ZGRF1: variants seen among roughly 807,000 people sequenced by gnomAD.
The protein encoded by ZGRF1 is zinc finger GRF-type containing 1, also known as 5'-3' DNA helicase ZGRF1.
ZGRF1 carries 196 observed loss-of-function variants against 203.5 expected under a neutral mutation model. The observed-to-expected ratio is 0.96, with a 90% CI of 0.86 to 1.08. The LOEUF (loss-of-function observed/expected upper bound fraction) is 1.08. ZGRF1 is among the 50% of genes least tolerant of loss of function. ZGRF1 has a pLI of 0.00. For synonymous variants in ZGRF1, 809 were observed against 841.3 expected, an observed-to-expected ratio of 0.96 and a Z score of 0.66; for missense variants, 2,326 against 2,416.3, an observed-to-expected ratio of 0.96 and a Z score of 0.78.
intron 20 of ZGRF1, among the ~76,000 whole-genome samples, chr4:112,556,125 A>G: frequency 6.6e-6 from 1 of 152,088 alleles, no homozygotes; most frequent in South Asian, 2.1e-4. Flanking sequence ...TAAATTGCTT[A>G]TAAGAGTGTG....
chr4:112,611,482 A>C (rs1400991502), intron 7 of ZGRF1, among the ~76,000 whole-genome samples: 2 of 152,244 alleles, frequency 1.3e-5, no homozygotes, highest in Admixed American at 1.3e-4. Context: ...CTGTAGAAAG[A>C]CCAGTGCCAT....
In ZGRF1 at chr4:112,618,977, C is replaced by T; in HGVS notation, c.1065G>A (p.Gln355=). 6.2e-7 allele frequency: 1 copy of T among 1,613,672 alleles called. No homozygotes were observed. The highest frequency in any genetic ancestry group is 8.5e-7 in the Non-Finnish European group (1 of 1,179,838). ...TCAAATTAGAATTTACATCATCTTCCTGGGCCTTGGGTTTCCTTTCTGTAT... is the reference window on the plus strand; with the variant it reads ...TCAAATTAGAATTTACATCATCTTCTTGGGCCTTGGGTTTCCTTTCTGTAT... The part of the protein sequence containing the change: ...GNDTERKPKA[Q]EDDVNSNLKD... The change falls in exon 6 of 28, where the codon CAG becomes CAA. Residue 355 remains glutamine, a synonymous_variant. Coordinates refer to ENST00000505019, the MANE Select transcript of ZGRF1 (RefSeq NM_018392.5).
intron 16 of ZGRF1, among the ~76,000 whole-genome samples, chr4:112,571,862 T>C (rs774163649): frequency 2.6e-5 from 4 of 152,210 alleles, no homozygotes; most frequent in African/African-American, 7.2e-5. Context: ...ACTTGCACTA[T>C]TTGATATTTG....
rs570982344 is a variant in ZGRF1, at chr4:112,600,581, C to A, written c.2976+2943G>T. Reference sequence around the variant, plus strand: ...TGGTGGGCACCTGTAATCCCAGCTACTTGGGAGGCTGACGCAGGAGAATCA... The same window carrying A: ...TGGTGGGCACCTGTAATCCCAGCTAATTGGGAGGCTGACGCAGGAGAATCA... On this transcript the variant is annotated intron_variant, in intron 10 of 27. Coordinates refer to ENST00000505019, the MANE Select transcript of ZGRF1 (RefSeq NM_018392.5). Among the ~76,000 whole-genome samples, 112 of 152,024 alleles carry A rather than the reference C, an allele frequency of 7.4e-4. 1 individual carries two copies. Among genetic ancestry groups the A allele is most frequent in the African/African-American group, 2.6e-3 (107 of 41,460 alleles).
At chr4:112,547,463 C>A in intron 23 of ZGRF1, 55 bp from the exon 24 acceptor site, 2 of 1,525,368 alleles carry the variant, frequency 1.3e-6, no homozygotes, top group Non-Finnish European at 1.8e-6. Context: ...GCATTAACAT[C>A]ATTTATTGCA....
Position 112,612,599 on chromosome 4 carries a change from G to A in ZGRF1, c.2603-11C>T. The stretch of plus-strand genomic sequence containing the variant: ...TAAATGGTTTCCTCACTGTAATGGA[G>A]AAAAGAAATAATCATATCATTGTTA... On this transcript the variant is annotated splice_polypyrimidine_tract_variant and intron_variant, in intron 6 of 27. Transcript: ENST00000505019. The A allele has an allele frequency of 6.5e-7, 1 of 1,550,262 alleles. No homozygotes were observed. The highest frequency in any genetic ancestry group is 8.9e-7 in the Non-Finnish European group (1 of 1,126,530).
In ZGRF1 at chr4:112,558,268, T is replaced by A; in HGVS notation, c.5002A>T (p.Ile1668Phe). The change falls in exon 20 of 28, where the codon ATT becomes TTT. Residue 1668 changes from isoleucine (I) to phenylalanine (F), a missense_variant. Physicochemically the swap from Ile to Phe is conservative, Grantham distance 21. Coordinates refer to ENST00000505019, the MANE Select transcript of ZGRF1 (RefSeq NM_018392.5). ...AGKSYLLAVV[I>F]LFFVQLFEKS... ...TCAAACAGCTGTACAAAGAACAAAATCACCACTGCCAGCAAGTAACTCTTT... is the reference window on the plus strand; with the variant it reads ...TCAAACAGCTGTACAAAGAACAAAAACACCACTGCCAGCAAGTAACTCTTT... The A allele has an allele frequency of 6.3e-7, 1 of 1,586,380 alleles. No homozygotes were observed. Among genetic ancestry groups the A allele is most frequent in the Non-Finnish European group, 8.5e-7 (1 of 1,169,832 alleles).
intron 16 of ZGRF1, among the ~76,000 whole-genome samples, chr4:112,564,257 C>T (rs12648924): frequency 0.4 from 60,744 of 152,048 alleles, 12,405 homozygotes; most frequent in South Asian, 0.49. Flanking sequence ...AGCTGACCTT[C>T]CTCCTCTCTT....
chr4:112,636,164 G>A (rs1356405158), intron 1 of ZGRF1, among the ~76,000 whole-genome samples: 2 of 152,184 alleles, frequency 1.3e-5, no homozygotes, highest in East Asian at 1.9e-4. Context: ...CAATTCACCT[G>A]TTGACCGACT....
In ZGRF1 at chr4:112,621,608, G is replaced by A. The variant is rs1478539892; in HGVS notation, c.163-1418C>T. 7.4e-5 allele frequency among the ~76,000 whole-genome samples: 11 copies of A among 148,760 alleles called. No homozygotes were observed. In the South Asian group the frequency reaches 1.7e-3, roughly 23 times the overall value. On this transcript the variant is annotated intron_variant, in intron 4 of 27. Coordinates refer to ENST00000505019, the MANE Select transcript of ZGRF1 (RefSeq NM_018392.5). ...GCAGAGGTTGCGGTGAGGTGAGATC[G>A]CGCTATTGCACTCTAGCCTGGGCAA...
intron 1 of ZGRF1, among the ~76,000 whole-genome samples, chr4:112,636,216 A>G (rs1356234098): frequency 6.6e-6 from 1 of 152,152 alleles, no homozygotes; most frequent in African/African-American, 2.4e-5. Context: ...GTTTTTAAAG[A>G]CCCCAGATGC....
At chr4:112,573,374 T>C (rs1292339846) in intron 16 of ZGRF1, among the ~76,000 whole-genome samples, 1 of 151,880 alleles carries the variant, frequency 6.6e-6, no homozygotes, top group Non-Finnish European at 1.5e-5. Flanking sequence ...GGCATAATAA[T>C]AATACAATGG....
rs191936474 is a variant in ZGRF1, at chr4:112,624,142, G to A, written c.103-266C>T. Among the ~76,000 whole-genome samples the A allele has an allele frequency of 3.7e-4, 52 of 141,070 alleles. No individual in the cohort carries two copies. In the East Asian group the frequency reaches 9.9e-3, roughly 27 times the overall value. The allele number at this position is 141,070 out of a possible 152,430, so 92.5% of individuals were successfully genotyped here. On this transcript the variant is annotated intron_variant, in intron 3 of 27. Transcript: ENST00000505019. ...TGGAAGCTTTGTTCTTTCGCTCTTC[G>A]CAATAAATCTTGCTACTGCTCAAAA...
chr4:112,569,976 T>G lies in ZGRF1; in HGVS notation c.4439-6702A>C, dbSNP rs188522124. 7.8e-4 allele frequency among the ~76,000 whole-genome samples: 118 copies of G among 152,254 alleles called. 1 individual carries two copies. Among genetic ancestry groups the G allele is most frequent in the African/African-American group, 2.6e-3 (109 of 41,566 alleles). On this transcript the variant is annotated intron_variant, in intron 16 of 27. Transcript: ENST00000505019. The stretch of plus-strand genomic sequence containing the variant: ...TCTACATGATGATGTAAGTTTACCC[T>G]GAAGTTAATAATTTAAAACATATAT...
chr4:112,609,776 C>G (rs530942257), intron 7 of ZGRF1, among the ~76,000 whole-genome samples: 1 of 149,146 alleles, frequency 6.7e-6, no homozygotes, highest in African/African-American at 2.5e-5. Flanking sequence ...CCAGTCTGGG[C>G]GACAAGAGCA....
intron 4 of ZGRF1, among the ~76,000 whole-genome samples, chr4:112,622,861 G>T (rs1266996414): frequency 6.6e-6 from 1 of 152,088 alleles, no homozygotes; most frequent in East Asian, 1.9e-4. Context: ...ACATGTGCAG[G>T]TTTGTTATAT....
chr4:112,628,817 T>C (rs1190525589), intron 3 of ZGRF1: 2 of 436,150 alleles, frequency 4.6e-6, no homozygotes, highest in Non-Finnish European at 9.0e-6. Context: ...ATCAGATGGC[T>C]TTTAAATATC....
intron 9 of ZGRF1, 62 bp downstream of exon 9, chr4:112,605,946 T>C (rs1750711542): frequency 9.1e-7 from 1 of 1,095,140 alleles, no homozygotes; most frequent in Non-Finnish European, 1.4e-6. Context: ...TTTGTTTTTT[T>C]GTTTTAAACA....
intron 6 of ZGRF1, among the ~76,000 whole-genome samples, chr4:112,613,458 A>C (rs1011424698): frequency 3.9e-5 from 6 of 152,032 alleles, no homozygotes; most frequent in African/African-American, 9.7e-5. Context: ...CAAGACAAAA[A>C]AAAATTCCTT....
Sources: gnomAD v4.1 joint callset for allele counts (sites outside exome capture counted in the v4.1 genomes callset) on GRCh38, gnomAD v4.1.1 for gene constraint, MANE v1.5 for transcripts, NCBI Gene and HGNC (gene_info 2026-07-23, HGNC 2026-07-21) for gene names.